The following OR6P1 variants were observed in gnomAD, a reference collection of about 807,000 sequenced individuals.
The protein encoded by OR6P1 is olfactory receptor family 6 subfamily P member 1, also known as olfactory receptor 6P1.
Under a neutral mutation model 6.6 loss-of-function variants are expected in OR6P1, and 5 were observed. That is an observed-to-expected ratio of 0.76 (90% confidence interval 0.40 to 1.60). OR6P1 has a LOEUF of 1.60. OR6P1 is among the 40% of genes most tolerant of loss of function. OR6P1 has a pLI of 0.02. For missense variants in OR6P1, 451 were observed against 383.0 expected (o/e 1.18, Z -1.48); for synonymous variants, 177 against 149.6 (o/e 1.18, Z -1.33).
chr1:158,566,437 A>T (rs1191789784), intron 2 of OR6P1, among the ~76,000 whole-genome samples: 4 of 152,112 alleles, frequency 2.6e-5, no homozygotes, highest in Non-Finnish European at 4.4e-5. Context: ...ATAACAGAGG[A>T]TGGGAAAAAC....
Position 158,563,581 on chromosome 1 carries a change from A to G in OR6P1, c.24T>C (p.His8=), listed in dbSNP as rs1210785233. MRNLSGG[H]VEEFVLVGFP... ...AACCCACCAAGACAAACTCCTCGAC[A>G]TGGCCTCCACTCAAATTTCTCATGG... is the stretch of plus-strand genomic sequence containing the variant. Residue 8 remains histidine, a synonymous_variant, in exon 3 of 3, where the codon CAT becomes CAC. Coordinates refer to ENST00000641540, the MANE Select transcript of OR6P1 (RefSeq NM_001160325.2). 7.1e-6 allele frequency: 11 copies of G among 1,545,534 alleles called. No individual in the cohort carries two copies. Among genetic ancestry groups the G allele is most frequent in the Admixed American group, 2.1e-5 (1 of 48,620 alleles).
Position 158,562,602 on chromosome 1 carries a change from G to A in OR6P1, c.*49C>T, listed in dbSNP as rs1428129745. 5.9e-6 allele frequency: 6 copies of A among 1,010,652 alleles called. No homozygotes were observed. In the East Asian group the frequency reaches 1.6e-4, roughly 26 times the overall value. 62.6% of individuals were successfully genotyped at this position (1,010,652 alleles called of 1,614,324 possible). On this transcript the variant is annotated 3_prime_UTR_variant, in exon 3 of 3. Transcript: ENST00000641540. ...AAGCCTATTCTGATTCCTTGAGGAGGCCCTATTAAGATTCTGCTATTTTCA... is the reference window on the plus strand; with the variant it reads ...AAGCCTATTCTGATTCCTTGAGGAGACCCTATTAAGATTCTGCTATTTTCA...
At position 158,563,471 on chromosome 1, in the gene OR6P1, A is replaced by G. The variant is rs1333108675; in HGVS notation, c.134T>C (p.Ile45Thr). The part of the protein sequence containing the change: ...YLLTLLENAL[I>T]VFTIWLAPSL... The stretch of plus-strand genomic sequence containing the variant: ...TGGAGCAAGCCATATTGTGAAGACA[A>G]TAAGTGCATTCTCCAACAATGTCAG... The change falls in exon 3 of 3, where the codon ATT (isoleucine) becomes ACT (threonine). Residue 45 changes from isoleucine to threonine, a missense_variant. By Grantham distance (89) the Ile-to-Thr change is moderately conservative. Coordinates refer to ENST00000641540, the MANE Select transcript of OR6P1 (RefSeq NM_001160325.2). 1.2e-5 allele frequency: 19 copies of G among 1,551,248 alleles called. No individual in the cohort carries two copies. The East Asian group carries it at 3.7e-4, about 30-fold the overall frequency.
chr1:158,562,481 T>A lies in OR6P1; in HGVS notation c.*170A>T. The A allele has an allele frequency of 3.4e-6, 2 of 584,878 alleles. No homozygotes were observed. Among genetic ancestry groups the A allele is most frequent in the Non-Finnish European group, 6.0e-6 (2 of 331,426 alleles). 36.2% of individuals were successfully genotyped at this position (584,878 alleles called of 1,614,324 possible). A position where few individuals can be genotyped will look rare whatever the true frequency, so the allele number is the denominator to read the frequency against. On this transcript the variant is annotated 3_prime_UTR_variant, in exon 3 of 3. Coordinates refer to ENST00000641540, the MANE Select transcript of OR6P1 (RefSeq NM_001160325.2). ...AGTCCAACCTTAGTTTGAAAACCCC[T>A]GTAAAAAATAAATGATTCATAAAGT... is the stretch of plus-strand genomic sequence containing the variant.
intron 1 of OR6P1, among the ~76,000 whole-genome samples, chr1:158,567,766 A>G (rs1479072297): frequency 6.9e-6 from 1 of 145,058 alleles, no homozygotes; most frequent in Non-Finnish European, 1.5e-5. Flanking sequence ...CACAATGTGC[A>G]CATGTACCCT....
In OR6P1 at chr1:158,565,821, T is replaced by G. The variant is rs74774601; in HGVS notation, c.-23+943A>C. On this transcript the variant is annotated intron_variant, in intron 2 of 2. Transcript: ENST00000641540. ...ACATATAAGTGATATTGATGTACCA[T>G]AGCTCCATGAATGAAAGTTAGTTTT... Among the ~76,000 whole-genome samples, 978 of 152,312 alleles carry G rather than the reference T, an allele frequency of 6.4e-3. 10 individuals are homozygous for G. The highest frequency in any genetic ancestry group is 0.022 in the African/African-American group (900 of 41,570).
intron 2 of OR6P1, among the ~76,000 whole-genome samples, chr1:158,564,538 C>T (rs1413713609): frequency 6.6e-6 from 1 of 152,074 alleles, no homozygotes; most frequent in Admixed American, 6.6e-5. Flanking sequence ...TTTAAGGATG[C>T]TGGCCTTGGA....
intron 2 of OR6P1, among the ~76,000 whole-genome samples, chr1:158,564,674 A>G (rs1648052822): frequency 6.6e-6 from 1 of 152,190 alleles, no homozygotes; most frequent in Non-Finnish European, 1.5e-5. Context: ...TGTGCCTTGA[A>G]TTGAGCCAAG....
chr1:158,566,877 T>G lies in OR6P1; in HGVS notation c.-117-19A>C, dbSNP rs969377480. On this transcript the variant is annotated intron_variant, in intron 1 of 2. Transcript: ENST00000641540. ...AGGCAACCTACAGAATGGGAGAAAA[T>G]TTTTGCAATCCACTCATCTGACAAA... 2.6e-5 allele frequency: 4 copies of G among 151,988 alleles called. No individual in the cohort carries two copies. In the East Asian group the frequency reaches 7.8e-4, roughly 29 times the overall value. The allele number at this position is 151,988 out of a possible 1,614,324, so 9.4% of individuals were successfully genotyped here.
In OR6P1 at chr1:158,562,549, G is replaced by A; in HGVS notation, c.*102C>T. ...GTCCCAGACAATATTTAGAGAAAAT[G>A]TTGGCAAATTATATTTATGTTCCCT... On this transcript the variant is annotated 3_prime_UTR_variant, in exon 3 of 3. Coordinates refer to ENST00000641540, the MANE Select transcript of OR6P1 (RefSeq NM_001160325.2). The A allele has an allele frequency of 1.5e-6, 1 of 687,128 alleles. No homozygotes were observed. Among genetic ancestry groups the A allele is most frequent in the Non-Finnish European group, 2.5e-6 (1 of 396,480 alleles). 42.6% of individuals were successfully genotyped at this position (687,128 alleles called of 1,614,324 possible). A position where few individuals can be genotyped will look rare whatever the true frequency, so the allele number is the denominator to read the frequency against.
chr1:158,566,545 C>T (rs1648100615), intron 2 of OR6P1, among the ~76,000 whole-genome samples: 1 of 152,138 alleles, frequency 6.6e-6, no homozygotes, highest in Non-Finnish European at 1.5e-5. Flanking sequence ...GGGGACTTGT[C>T]CTTACCCCTC....
chr1:158,566,110 T>C, intron 2 of OR6P1, among the ~76,000 whole-genome samples: 1 of 151,014 alleles, frequency 6.6e-6, no homozygotes, highest in East Asian at 1.9e-4. Context: ...TATGGCAAGA[T>C]TTTGCTATGC....
intron 1 of OR6P1, among the ~76,000 whole-genome samples, chr1:158,569,974 T>G (rs886084189): frequency 6.6e-5 from 10 of 152,208 alleles, no homozygotes; most frequent in African/African-American, 2.4e-4. Context: ...TTCAATAGTT[T>G]TTGTTTTTTT....
intron 1 of OR6P1, among the ~76,000 whole-genome samples, chr1:158,568,697 G>A (rs1648158538): frequency 6.6e-6 from 1 of 151,998 alleles, no homozygotes; most frequent in Non-Finnish European, 1.5e-5. Flanking sequence ...TATTCCTCCA[G>A]TCACAGCAGA....
Position 158,566,866 on chromosome 1 carries a change from A to T in OR6P1, c.-117-8T>A, listed in dbSNP as rs1408560656. 1 of 152,040 alleles carries T rather than the reference A, an allele frequency of 6.6e-6. No individual in the cohort carries two copies. Among genetic ancestry groups the T allele is most frequent in the Non-Finnish European group, 1.5e-5 (1 of 67,988 alleles). The allele number at this position is 152,040 out of a possible 1,614,324, so 9.4% of individuals were successfully genotyped here. On this transcript the variant is annotated splice_polypyrimidine_tract_variant and splice_region_variant and intron_variant, in intron 1 of 2. Coordinates refer to ENST00000641540, the MANE Select transcript of OR6P1 (RefSeq NM_001160325.2). Reference sequence around the variant, plus strand: ...TCAGCGTCAACAGGCAACCTACAGAATGGGAGAAAATTTTTGCAATCCACT... The same window carrying T: ...TCAGCGTCAACAGGCAACCTACAGATTGGGAGAAAATTTTTGCAATCCACT...
chr1:158,568,667 T>C (rs1436850003), intron 1 of OR6P1, among the ~76,000 whole-genome samples: 3 of 152,214 alleles, frequency 2.0e-5, no homozygotes, highest in East Asian at 3.8e-4. Flanking sequence ...CCTTTACTCC[T>C]GTTTTCCATT....
rs1648009757 is a variant in OR6P1, at chr1:158,563,365, C to A, written c.240G>T (p.Arg80=). 2 of 1,551,364 alleles carry A rather than the reference C, an allele frequency of 1.3e-6. No individual in the cohort carries two copies. The highest frequency in any genetic ancestry group is 1.7e-6 in the Non-Finnish European group (2 of 1,146,856). ...CCTGGGTAAGAAAGGCTGCCAAGAG[C>A]CGAGGAATGGTGACATTGATGTACC... The part of the protein sequence containing the change: ...ELWYINVTIP[R]LLAAFLTQDG... Residue 80 remains arginine, a synonymous_variant, in exon 3 of 3, where the codon CGG becomes CGT. Coordinates refer to ENST00000641540, the MANE Select transcript of OR6P1 (RefSeq NM_001160325.2).
chr1:158,563,462 G>T lies in OR6P1; in HGVS notation c.143C>A (p.Thr48Lys), dbSNP rs187153877. 4.6e-5 allele frequency: 71 copies of T among 1,551,262 alleles called. No homozygotes were observed. In the African/African-American group the frequency reaches 6.6e-4, roughly 14 times the overall value. ...ATGAAGGCTTGGAGCAAGCCATATT[G>T]TGAAGACAATAAGTGCATTCTCCAA... ...TLLENALIVF[T>K]IWLAPSLHRP... The change falls in exon 3 of 3, where the codon ACA becomes AAA. Residue 48 changes from threonine (T) to lysine (K), a missense_variant. Thr to Lys is a moderately conservative substitution (Grantham distance 78). Coordinates refer to ENST00000641540, the MANE Select transcript of OR6P1 (RefSeq NM_001160325.2).
At chr1:158,567,581 G>T (rs1346673598) in intron 1 of OR6P1, among the ~76,000 whole-genome samples, 1 of 146,456 alleles carries the variant, frequency 6.8e-6, no homozygotes, top group Non-Finnish European at 1.5e-5. Context: ...ACTCATAGGT[G>T]GGAATTGAAC....
Sources: allele counts gnomAD v4.1 joint callset (sites outside exome capture counted in the v4.1 genomes callset), GRCh38; gene constraint gnomAD v4.1.1; transcripts MANE v1.5; gene names NCBI Gene and HGNC (gene_info 2026-07-23, HGNC 2026-07-21).